The following PPP2R2C variants were observed in gnomAD, a reference collection of about 807,000 sequenced individuals.
The protein encoded by PPP2R2C is protein phosphatase 2 regulatory subunit Bgamma, also known as protein phosphatase 2, regulatory subunit B, gamma.
Under a neutral mutation model 45.3 loss-of-function variants are expected in PPP2R2C, and 10 were observed. The ratio of observed to expected loss-of-function variants is 0.22; its 90% CI spans 0.14 to 0.37. The LOEUF is 0.37. PPP2R2C is among the 10% of genes least tolerant of loss of function. The pLI is 1.00. For synonymous variants in PPP2R2C, 257 were observed against 245.4 expected, an observed-to-expected ratio of 1.05 and a Z score of -0.44; for missense variants, 308 against 619.7, an observed-to-expected ratio of 0.50 and a Z score of 5.34.
At chr4:6,427,476 C>T (rs192506047) in intron 1 of PPP2R2C, among the ~76,000 whole-genome samples, 1 of 152,316 alleles carries the variant, frequency 6.6e-6, no homozygotes, top group African/African-American at 2.4e-5. Context: ...CCCTTGGCTC[C>T]AGCAAGGCCA....
chr4:6,409,916 A>G (rs921365173), intron 1 of PPP2R2C, among the ~76,000 whole-genome samples: 7 of 152,172 alleles, frequency 4.6e-5, no homozygotes, highest in Admixed American at 1.3e-4. Flanking sequence ...GGTGGATGAA[A>G]GTTCCATTTT....
intron 1 of PPP2R2C, among the ~76,000 whole-genome samples, chr4:6,548,404 C>A (rs1725067639): frequency 6.6e-6 from 1 of 152,174 alleles, no homozygotes; most frequent in South Asian, 2.1e-4. Flanking sequence ...CCGGCACATC[C>A]CAAAGCACAG....
intron 2 of PPP2R2C, among the ~76,000 whole-genome samples, chr4:6,485,439 A>C (rs1467002970): frequency 6.6e-6 from 1 of 151,952 alleles, no homozygotes; most frequent in East Asian, 1.9e-4. Context: ...TTTATGTAGA[A>C]TTAGTATTAT....
intron 1 of PPP2R2C, among the ~76,000 whole-genome samples, chr4:6,409,216 T>C (rs956695195): frequency 2.0e-5 from 3 of 152,212 alleles, no homozygotes; most frequent in African/African-American, 7.2e-5. Context: ...AATTAAGGCA[T>C]CATTTTATAA....
intron 2 of PPP2R2C, among the ~76,000 whole-genome samples, chr4:6,534,163 C>T (rs1577244210): frequency 6.7e-6 from 1 of 150,182 alleles, no homozygotes. Flanking sequence ...CACACACCAA[C>T]ACACACACAT....
chr4:6,342,299 A>G (rs1733514365), intron 6 of PPP2R2C, among the ~76,000 whole-genome samples: 1 of 152,132 alleles, frequency 6.6e-6, no homozygotes, highest in Admixed American at 6.5e-5. Context: ...GAGGGAGTCA[A>G]AAGTTAAGCA....
intron 2 of PPP2R2C, among the ~76,000 whole-genome samples, chr4:6,529,987 G>A (rs1229674653): frequency 6.6e-6 from 1 of 152,114 alleles, no homozygotes; most frequent in African/African-American, 2.4e-5. Flanking sequence ...TCAGTGCTGG[G>A]GGAAGCAGCT....
At chr4:6,521,280 G>C (rs1431533617) in intron 2 of PPP2R2C, among the ~76,000 whole-genome samples, 1 of 152,220 alleles carries the variant, frequency 6.6e-6, no homozygotes, top group Admixed American at 6.5e-5. Flanking sequence ...CCTGCCACTT[G>C]TATGTTGTGT....
intron 2 of PPP2R2C, among the ~76,000 whole-genome samples, chr4:6,512,091 G>A (rs1577231017): frequency 1.8e-5 from 1 of 54,692 alleles, no homozygotes; most frequent in Non-Finnish European, 3.5e-5. Context: ...TGATGGTGGT[G>A]GTGGTGGTGG....
At chr4:6,458,505 C>T (rs1362072595) in intron 1 of PPP2R2C, among the ~76,000 whole-genome samples, 7 of 152,202 alleles carry the variant, frequency 4.6e-5, no homozygotes, top group African/African-American at 1.7e-4. Flanking sequence ...ACCCTCACAA[C>T]CTCATCACTC....
At position 6,512,917 on chromosome 4, in the gene PPP2R2C, TA is replaced by T. The variant is rs375374170; in HGVS notation, c.49+22353del. On this transcript the variant is annotated intron_variant, in intron 2 of 9. Coordinates refer to the PPP2R2C transcript ENST00000506140. ...TAAAACCCAGTGAAATCAGACCCAA[TA>T]AAACCACACATTTAAAATGCTGATT... 7.4e-4 allele frequency among the ~76,000 whole-genome samples: 112 copies of T among 152,136 alleles called. 1 individual carries two copies. The East Asian group carries it at 0.02, about 28-fold the overall frequency.
upstream of PPP2R2C, among the ~76,000 whole-genome samples, chr4:6,476,626 C>T (rs1722152996): frequency 6.6e-6 from 1 of 152,198 alleles, no homozygotes; most frequent in Non-Finnish European, 1.5e-5. Flanking sequence ...GTCCAGGCTA[C>T]AGTATTTTTG....
At chr4:6,382,551 C>T (rs1224020299) in intron 1 of PPP2R2C, 1 of 1,340,374 alleles carries the variant, frequency 7.5e-7, no homozygotes, top group Non-Finnish European at 9.9e-7. Context: ...TCATCCTCTG[C>T]AGCTTCCCCA....
intron 2 of PPP2R2C, among the ~76,000 whole-genome samples, chr4:6,512,411 TGGTGGTGATGGTGGG>T: frequency 2.3e-5 from 3 of 131,722 alleles, no homozygotes; most frequent in Non-Finnish European, 5.0e-5. Flanking sequence ...GTGATGGTGG[TGGTGGTGATGGTGGG>T]GGTGGTGGTG....
In PPP2R2C at chr4:6,408,555, G is replaced by T. The variant is rs555006041; in HGVS notation, c.71-27461C>A. 2.7e-3 allele frequency among the ~76,000 whole-genome samples: 411 copies of T among 152,294 alleles called. 3 individuals carry two copies. Among genetic ancestry groups the T allele is most frequent in the African/African-American group, 9.4e-3 (392 of 41,562 alleles). On this transcript the variant is annotated intron_variant, in intron 1 of 8. Transcript: ENST00000382599. ...GGGGAGGTAGGATGGTGTAAACTGA[G>T]GCCACCCTGGAGCACAGATAATCCA...
chr4:6,508,040 C>A (rs1231608459), intron 2 of PPP2R2C, among the ~76,000 whole-genome samples: 2 of 152,156 alleles, frequency 1.3e-5, no homozygotes, highest in South Asian at 4.1e-4. Context: ...TCAGGAGGAT[C>A]GCTGGAGCCC....
chr4:6,381,234 G>C, intron 1 of PPP2R2C, 140 bp from the exon 2 acceptor site: 1 of 1,538,032 alleles, frequency 6.5e-7, no homozygotes, highest in Non-Finnish European at 8.7e-7. Context: ...GGGAGCCTGA[G>C]GGGTCAGGAG....
chr4:6,342,859 T>G (rs1016845558), intron 6 of PPP2R2C, among the ~76,000 whole-genome samples: 5 of 152,142 alleles, frequency 3.3e-5, no homozygotes, highest in Admixed American at 3.3e-4. Context: ...TCCAGGGAAG[T>G]CACAGAGCTT....
intron 1 of PPP2R2C, among the ~76,000 whole-genome samples, chr4:6,387,815 A>C (rs1380818407): frequency 6.6e-6 from 1 of 151,680 alleles, no homozygotes; most frequent in African/African-American, 2.4e-5. Flanking sequence ...AAGAAAAAAA[A>C]AAAAGAGTGA....
Sources: gnomAD v4.1 joint callset for allele counts (sites outside exome capture counted in the v4.1 genomes callset) on GRCh38, gnomAD v4.1.1 for gene constraint, MANE v1.5 for transcripts, NCBI Gene and HGNC (gene_info 2026-07-23, HGNC 2026-07-21) for gene names.